The following PRDX1 variants were observed in gnomAD, a reference collection of about 807,000 sequenced individuals.
PRDX1 encodes the protein peroxiredoxin-1.
In PRDX1, 19 loss-of-function variants were observed where a neutral mutation model predicts 20.7. The observed-to-expected ratio is 0.92, with a 90% CI of 0.64 to 1.35. The LOEUF is 1.35. Ranked by LOEUF, PRDX1 falls within the 40% of genes most tolerant of loss-of-function variation. PRDX1 has a pLI of 0.00. For synonymous variants in PRDX1, 89 were observed against 83.9 expected, an observed-to-expected ratio of 1.06 and a Z score of -0.33; for missense variants, 226 against 240.0, an observed-to-expected ratio of 0.94 and a Z score of 0.38.
chr1:45,515,676 A>C lies in PRDX1; in HGVS notation c.238T>G (p.Ser80Ala). The change falls in exon 3 of 6, where the codon TCT (serine) becomes GCT (alanine). Residue 80 changes from serine to alanine, a missense_variant. Coordinates refer to ENST00000319248, the MANE Select transcript of PRDX1 (RefSeq NM_181697.3). ...NCQVIGASVDSHFCHLAWVNT... is the reference protein window; with the variant it reads ...NCQVIGASVDAHFCHLAWVNT... ...TACCATGCTAGATGACAGAAGTGAG[A>C]ATCCACAGAAGCACCAATCACTTGG... 1 of 1,601,262 alleles carries C rather than the reference A, an allele frequency of 6.2e-7. No individual in the cohort carries two copies. The highest frequency in any genetic ancestry group is 8.5e-7 in the Non-Finnish European group (1 of 1,176,168).
rs768175543 is a variant in PRDX1, at chr1:45,514,577, A to G, written c.444T>C (p.Pro148=). 6.3e-5 allele frequency: 102 copies of G among 1,613,716 alleles called. No individual in the cohort carries two copies. Among genetic ancestry groups the G allele is most frequent in the Non-Finnish European group, 8.3e-5 (98 of 1,179,722 alleles). The change falls in exon 5 of 6, where the codon CCT becomes CCC. Residue 148 remains proline (P), a synonymous_variant. Coordinates refer to ENST00000319248, the MANE Select transcript of PRDX1 (RefSeq NM_181697.3). ...AAGTCTCATCCACAGAGCGGCCAAC[A>G]GGGAGGTCATTTACAGTGATCTGCC... ...ILRQITVNDL[P]VGRSVDETLR... is the part of the protein sequence containing the mutation.
rs891055732 is a variant in PRDX1 at position 45,521,876 on chromosome 1, A to G, written c.-59T>C. ...AACTAACCACCGACACCAGGCAAGA[A>G]CAAGACGCGCAAGAGCTCTCCGGGG... On this transcript the variant is annotated 5_prime_UTR_variant, in exon 1 of 6. Coordinates refer to ENST00000319248, the MANE Select transcript of PRDX1 (RefSeq NM_181697.3). The G allele has an allele frequency of 6.5e-6, 1 of 152,730 alleles. No homozygotes were observed. The highest frequency in any genetic ancestry group is 2.4e-5 in the African/African-American group (1 of 41,454). The allele number at this position is 152,730 out of a possible 1,614,324, so 9.5% of individuals were successfully genotyped here.
rs139756090 is a variant in PRDX1, at chr1:45,515,822, G to A, written c.107-15C>T. ...AACATATTTTCCTGGGGGGAAAATC[G>A]GAGTCATGGTTAGCATTTGACACAG... On this transcript the variant is annotated splice_polypyrimidine_tract_variant and intron_variant, in intron 2 of 5. Coordinates refer to ENST00000319248, the MANE Select transcript of PRDX1 (RefSeq NM_181697.3). 0.01 allele frequency: 16,080 copies of A among 1,544,544 alleles called. 111 individuals carry two copies. The highest frequency in any genetic ancestry group is 0.011 in the Non-Finnish European group (12,315 of 1,151,064).
chr1:45,514,622 A>G lies in PRDX1; in HGVS notation c.399T>C (p.Ile133=), dbSNP rs1643824186. Residue 133 remains isoleucine (I), a synonymous_variant, in exon 5 of 6, where the codon ATT becomes ATC. Transcript: ENST00000319248. ...EGISFRGLFI[I]DDKGILRQIT... The stretch of plus-strand genomic sequence containing the variant: ...TCTGCCGAAGAATACCCTTATCATC[A>G]ATGATAAAAAGGCCCCTGGGAAAAG... 5 of 1,613,642 alleles carry G rather than the reference A, an allele frequency of 3.1e-6. No individual in the cohort carries two copies. The highest frequency in any genetic ancestry group is 1.1e-5 in the South Asian group (1 of 91,070).
rs969512923 is a variant in PRDX1 at position 45,515,777 on chromosome 1, A to C, written c.137T>G (p.Leu46Arg). The C allele has an allele frequency of 6.3e-7, 1 of 1,582,238 alleles. No individual in the cohort carries two copies. Among genetic ancestry groups the C allele is most frequent in the Admixed American group, 2.0e-5 (1 of 51,188 alleles). Residue 46 changes from leucine to arginine, a missense_variant, in exon 3 of 6, where the codon CTT becomes CGT. By Grantham distance (102) the Leu-to-Arg change is moderately radical. Transcript: ENST00000319248. ...CGTGGGGCACACAAAGGTGAAGTCA[A>C]GAGGGTAAAAGAAGAACACAACATA... ...GKYVVFFFYP[L>R]DFTFVCPTEI...
At chr1:45,515,124 T>C (rs1329762779) in intron 3 of PRDX1, 129 bp from the exon 4 acceptor site, 1 of 1,321,916 alleles carries the variant, frequency 7.6e-7, no homozygotes, top group Non-Finnish European at 1.0e-6. Flanking sequence ...TTTCCAGCAA[T>C]AAAGTGAATG....
rs746393203 is a variant in PRDX1, at chr1:45,514,921, A to G, written c.335T>C (p.Ile112Thr). Reference sequence around the variant, plus strand: ...CTTTAAGACCCCATAATCCTGAGCAATGGTGCGCTTCGGGTCTGATACCAA... The same window carrying G: ...CTTTAAGACCCCATAATCCTGAGCAGTGGTGCGCTTCGGGTCTGATACCAA... ...IPLVSDPKRT[I>T]AQDYGVLKAD... Residue 112 changes from isoleucine (I) to threonine (T), a missense_variant, in exon 4 of 6, where the codon ATT (isoleucine) becomes ACT (threonine). Transcript: ENST00000319248. 1.2e-6 allele frequency: 2 copies of G among 1,614,170 alleles called. No homozygotes were observed. Among genetic ancestry groups the G allele is most frequent in the Admixed American group, 1.7e-5 (1 of 60,024 alleles).
chr1:45,511,495 C>T, intron 5 of PRDX1, 81 bp from the exon 6 acceptor site: 1 of 1,128,738 alleles, frequency 8.9e-7, no homozygotes, highest in Non-Finnish European at 1.3e-6. Flanking sequence ...ACCAGTTCTG[C>T]ACCTGAACAC....
intron 5 of PRDX1, chr1:45,512,866 C>T (rs1643780505): frequency 6.6e-6 from 1 of 152,210 alleles, no homozygotes; most frequent in South Asian, 2.1e-4. Flanking sequence ...TCTTGGTTAT[C>T]AGTGCTCACT....
chr1:45,515,133 T>C, intron 3 of PRDX1, 138 bp from the exon 4 acceptor site: 1 of 1,259,276 alleles, frequency 7.9e-7, no homozygotes, highest in African/African-American at 1.5e-5. Context: ...ATAAAGTGAA[T>C]GCTGAGAACA....
Position 45,514,492 on chromosome 1 carries a change from A to G in PRDX1, c.514+15T>C. 1 of 1,614,056 alleles carries G rather than the reference A, an allele frequency of 6.2e-7. No homozygotes were observed. The highest frequency in any genetic ancestry group is 8.5e-7 in the Non-Finnish European group (1 of 1,179,942). ...ACCACCACTCTGTTGTCCTGTTATCAGACAGATGGCTTACCTTCCCCATGT... is the reference window on the plus strand; with the variant it reads ...ACCACCACTCTGTTGTCCTGTTATCGGACAGATGGCTTACCTTCCCCATGT... On this transcript the variant is annotated intron_variant, in intron 5 of 5. Transcript: ENST00000319248.
chr1:45,514,325 G>A (rs572987623), intron 5 of PRDX1, among the ~76,000 whole-genome samples, 182 bp downstream of exon 5: 5 of 152,088 alleles, frequency 3.3e-5, no homozygotes, highest in South Asian at 2.1e-4. Flanking sequence ...AGAGGCCGGC[G>A]GGATCCTCTG....
At chr1:45,518,360 G>A (rs979061066) in intron 2 of PRDX1, among the ~76,000 whole-genome samples, 13 of 151,682 alleles carry the variant, frequency 8.6e-5, no homozygotes, top group Non-Finnish European at 1.9e-4. Flanking sequence ...CCAGCTACTC[G>A]GGAGGCTGAG....
Position 45,514,576 on chromosome 1 carries a change from C to T in PRDX1, c.445G>A (p.Val149Ile). Reference protein sequence around the residue: ...LRQITVNDLPVGRSVDETLRL... With the variant: ...LRQITVNDLPIGRSVDETLRL... ...AAAGTCTCATCCACAGAGCGGCCAA[C>T]AGGGAGGTCATTTACAGTGATCTGC... Residue 149 changes from valine (V) to isoleucine (I), a missense_variant, in exon 5 of 6, where the codon GTT becomes ATT. Coordinates refer to ENST00000319248, the MANE Select transcript of PRDX1 (RefSeq NM_181697.3). 6.2e-7 allele frequency: 1 copy of T among 1,613,834 alleles called. No homozygotes were observed. Among genetic ancestry groups the T allele is most frequent in the East Asian group, 2.2e-5 (1 of 44,882 alleles).
chr1:45,512,917 A>G (rs547865415), intron 5 of PRDX1: 1 of 152,332 alleles, frequency 6.6e-6, no homozygotes, highest in African/African-American at 2.4e-5. Flanking sequence ...TAAAAAGATT[A>G]CTTGGTGCTA....
chr1:45,514,615 TATC>T lies in PRDX1; in HGVS notation c.403_405del (p.Asp135del), dbSNP rs1557613233. The T allele has an allele frequency of 6.2e-7, 1 of 1,613,780 alleles. No individual in the cohort carries two copies. On this transcript the variant is annotated inframe_deletion, in exon 5 of 6. Transcript: ENST00000319248. ...ACAGTGATCTGCCGAAGAATACCCT[TATC>T]ATCAATGATAAAAAGGCCCCTGGGA...
intron 2 of PRDX1, among the ~76,000 whole-genome samples, chr1:45,517,336 C>T (rs921136385): frequency 1.3e-5 from 2 of 152,164 alleles, no homozygotes; most frequent in Non-Finnish European, 2.9e-5. Flanking sequence ...TAATGCTACA[C>T]CACTGAGAAA....
chr1:45,521,073 C>A (rs1034855652), intron 1 of PRDX1, among the ~76,000 whole-genome samples: 15 of 152,154 alleles, frequency 9.9e-5, no homozygotes, highest in Non-Finnish European at 1.5e-4. Context: ...AAAACAAAAA[C>A]CAAAAACTAA....
upstream of PRDX1, chr1:45,521,895 T>C (rs1243388605): frequency 1.3e-5 from 2 of 152,288 alleles, no homozygotes; most frequent in African/African-American, 4.8e-5. Flanking sequence ...GCAAGAGCTC[T>C]CCGGGGCGCT....
Sources: gnomAD v4.1 joint callset for allele counts (sites outside exome capture counted in the v4.1 genomes callset) on GRCh38, gnomAD v4.1.1 for gene constraint, MANE v1.5 for transcripts, NCBI Gene and HGNC (gene_info 2026-07-23, HGNC 2026-07-21) for gene names.